Variants in KIF26B observed in about 807,000 individuals in gnomAD.
KIF26B encodes kinesin family member 26B.
In KIF26B, 63 loss-of-function variants were observed where a neutral mutation model predicts 151.2. The ratio of observed to expected loss-of-function variants is 0.42; its 90% CI spans 0.34 to 0.51. The LOEUF is 0.51. Among genes scored for constraint, KIF26B ranks in the 20% least tolerant of loss-of-function variants. KIF26B has a pLI of 0.07. For synonymous variants in KIF26B, 1,357 were observed against 1,262.1 expected (o/e 1.08, Z -1.59); for missense variants, 2,813 against 2,913.6 (o/e 0.97, Z 0.79).
intron 9 of KIF26B, among the ~76,000 whole-genome samples, chr1:245,642,123 G>A (rs1471417412): frequency 6.6e-6 from 1 of 152,142 alleles, no homozygotes; most frequent in African/African-American, 2.4e-5. Flanking sequence ...TGTGTTATGT[G>A]GGAACACTGG....
At chr1:245,341,372 C>G (rs1258342487) in intron 2 of KIF26B, among the ~76,000 whole-genome samples, 2 of 131,946 alleles carry the variant, frequency 1.5e-5, no homozygotes, top group East Asian at 2.4e-4. Context: ...CCAGGCTAGC[C>G]TGCAGTGGCA....
intron 3 of KIF26B, among the ~76,000 whole-genome samples, chr1:245,411,854 C>CT (rs1674294632): frequency 6.6e-6 from 1 of 152,168 alleles, no homozygotes; most frequent in Admixed American, 6.5e-5. Context: ...TATGTGGACT[C>CT]TATCACTGCA....
chr1:245,335,701 GGTCCCACGTGGGGAAAGAAGA>G (rs1217941105), intron 2 of KIF26B, among the ~76,000 whole-genome samples: 10 of 130,612 alleles, frequency 7.7e-5, no homozygotes, highest in East Asian at 2.5e-4. Context: ...GGGAAAGAAG[GGTCCCACGTGGGGAAAGAAGA>G]GTCCCACGAG....
chr1:245,442,762 G>T (rs55843323), intron 4 of KIF26B, among the ~76,000 whole-genome samples: 109 of 108,358 alleles, frequency 1.0e-3, no homozygotes, highest in Admixed American at 1.3e-3. Context: ...CACCTACAGC[G>T]GTCATCTCCC....
chr1:245,547,069 C>T lies in KIF26B; in HGVS notation c.1350+6119C>T, dbSNP rs538912579. ...CAGCACATGCGCAGTATGCTGCTAG[C>T]GCCGCCCCAGGCGCCCGGAGCTCAG... On this transcript the variant is annotated intron_variant, in intron 5 of 14. Coordinates refer to ENST00000407071, the MANE Select transcript of KIF26B (RefSeq NM_018012.4). Among the ~76,000 whole-genome samples, 3 of 152,356 alleles carry T rather than the reference C, an allele frequency of 2.0e-5. No homozygotes were observed. In the South Asian group the frequency reaches 6.2e-4, roughly 32 times the overall value.
chr1:245,433,553 CAG>C (rs1041280220), intron 4 of KIF26B, among the ~76,000 whole-genome samples: 14 of 151,830 alleles, frequency 9.2e-5, no homozygotes, highest in African/African-American at 3.4e-4. Context: ...TGTGTAGCAT[CAG>C]AGTTTTCATC....
At chr1:245,356,731 A>C (rs1672709566) in intron 2 of KIF26B, among the ~76,000 whole-genome samples, 1 of 151,924 alleles carries the variant, frequency 6.6e-6, no homozygotes, top group Non-Finnish European at 1.5e-5. Context: ...TGAACAACAC[A>C]GACAAATGTG....
intron 2 of KIF26B, among the ~76,000 whole-genome samples, chr1:245,287,360 G>A (rs1388666688): frequency 6.6e-6 from 1 of 151,936 alleles, no homozygotes; most frequent in Non-Finnish European, 1.5e-5. Flanking sequence ...ATTGGACACT[G>A]TTTGCATATT....
At chr1:245,584,160 A>G (rs1038639217) in intron 5 of KIF26B, among the ~76,000 whole-genome samples, 1 of 151,990 alleles carries the variant, frequency 6.6e-6, no homozygotes, top group African/African-American at 2.4e-5. Context: ...CGGTCATTTA[A>G]AAGTGTGTGT....
Position 245,521,916 on chromosome 1 carries a change from ATG to A in KIF26B, c.1167-18850_1167-18849del, listed in dbSNP as rs1464500358. ...AGTCTTGCTCTGTCACCCAGGCTGG[ATG>A]GAGTGCAGTGGTGCGATCTCGGCTC... On this transcript the variant is annotated intron_variant, in intron 4 of 14. Coordinates refer to ENST00000407071, the MANE Select transcript of KIF26B (RefSeq NM_018012.4). 5.6e-5 allele frequency among the ~76,000 whole-genome samples: 6 copies of A among 106,794 alleles called. No homozygotes were observed. In the East Asian group the frequency reaches 1.1e-3, roughly 20 times the overall value. 70.1% of individuals were successfully genotyped at this position (106,794 alleles called of 152,430 possible).
In KIF26B at chr1:245,606,321, A is replaced by G. The variant is rs1346145643; in HGVS notation, c.1558-1330A>G. Among the ~76,000 whole-genome samples, 2 of 152,192 alleles carry G rather than the reference A, an allele frequency of 1.3e-5. No homozygotes were observed. Among genetic ancestry groups the G allele is most frequent in the Non-Finnish European group, 2.9e-5 (2 of 68,042 alleles). ...CTTGGGTTCACTGTGCTGCTGAATA[A>G]CAACATTCACGGCCCAGGTGCCCAC... On this transcript the variant is annotated intron_variant, in intron 6 of 14. Transcript: ENST00000407071. The surrounding 1 kb of genome is among the most constrained non-coding windows in gnomAD (Gnocchi z 4.6).
At chr1:245,380,509 C>T (rs562370138) in intron 3 of KIF26B, among the ~76,000 whole-genome samples, 14 of 152,280 alleles carry the variant, frequency 9.2e-5, no homozygotes, top group Admixed American at 6.5e-4. Flanking sequence ...TCATGACGTG[C>T]TCCCTTTTGG....
At position 245,601,948 on chromosome 1, in the gene KIF26B, G is replaced by GAGATGC. The variant is rs559613633; in HGVS notation, c.1351-627_1351-622dup. On this transcript the variant is annotated intron_variant, in intron 5 of 14. Coordinates refer to ENST00000407071, the MANE Select transcript of KIF26B (RefSeq NM_018012.4). This position sits in a 1 kb window ranked among gnomAD's most constrained non-coding sequence, Gnocchi z 4.4. ...AGGGCAGCGCCTCCTGCTCCCTCCA[G>GAGATGC]AGATGCACTTCCATTCTCTGAAACG... is the stretch of plus-strand genomic sequence containing the variant. Among the ~76,000 whole-genome samples the GAGATGC allele has an allele frequency of 4.7e-3, 723 of 152,328 alleles. 2 individuals are homozygous for GAGATGC. The highest frequency in any genetic ancestry group is 0.027 in the Middle Eastern group (8 of 294).
intron 5 of KIF26B, among the ~76,000 whole-genome samples, chr1:245,548,857 CCTCAGCCTCCCGAGTAG>C (rs1484843049): frequency 6.6e-6 from 1 of 152,096 alleles, no homozygotes; most frequent in African/African-American, 2.4e-5. Context: ...AATTCTCCTG[CCTCAGCCTCCCGAGTAG>C]CTGAGATTAC....
chr1:245,590,602 G>A (rs868818832), intron 5 of KIF26B, among the ~76,000 whole-genome samples: 12 of 152,152 alleles, frequency 7.9e-5, no homozygotes, highest in Middle Eastern at 3.4e-3. Flanking sequence ...AGTGTAACCC[G>A]CGTCTATAAA....
Position 245,227,425 on chromosome 1 carries a change from G to A in KIF26B, c.465+70742G>A, listed in dbSNP as rs958506165. On this transcript the variant is annotated intron_variant, in intron 2 of 14. Transcript: ENST00000407071. This position sits in a 1 kb window ranked among gnomAD's most constrained non-coding sequence, Gnocchi z 4.1. ...CCTCTGCATCTGGGCCTAAGGCTGC[G>A]GCCTCCGTCCTCTTCGCCATCATTG... 7.9e-5 allele frequency among the ~76,000 whole-genome samples: 12 copies of A among 152,254 alleles called. No homozygotes were observed. The highest frequency in any genetic ancestry group is 3.4e-3 in the Middle Eastern group (1 of 294).
At chr1:245,583,665 G>T (rs920581502) in intron 5 of KIF26B, among the ~76,000 whole-genome samples, 3 of 152,302 alleles carry the variant, frequency 2.0e-5, no homozygotes, top group Admixed American at 2.0e-4. Flanking sequence ...TAGGTGGGTG[G>T]TATCATAATA....
intron 2 of KIF26B, among the ~76,000 whole-genome samples, chr1:245,258,973 G>A (rs1456338802): frequency 1.3e-5 from 2 of 152,186 alleles, no homozygotes; most frequent in Admixed American, 6.5e-5. Context: ...AATCACAGGT[G>A]CCCCTCGCTT....
At chr1:245,546,357 A>T (rs1010370277) in intron 5 of KIF26B, among the ~76,000 whole-genome samples, 1 of 152,102 alleles carries the variant, frequency 6.6e-6, no homozygotes, top group Non-Finnish European at 1.5e-5. Flanking sequence ...TACTGTTTTT[A>T]AAAAAGGTAC....
Sources: gnomAD v4.1 joint callset for allele counts (sites outside exome capture counted in the v4.1 genomes callset) on GRCh38, gnomAD v4.1.1 for gene constraint, Gnocchi (gnomAD v3.1) non-coding constraint, MANE v1.5 for transcripts, NCBI Gene and HGNC (gene_info 2026-07-23, HGNC 2026-07-21) for gene names.